ADARB2: variants seen among roughly 807,000 people sequenced by gnomAD.
The protein encoded by ADARB2 is inactive double-stranded RNA-specific editase B2.
Under a neutral mutation model 62.2 loss-of-function variants are expected in ADARB2, and 25 were observed. The ratio of observed to expected loss-of-function variants is 0.40; its 90% CI spans 0.29 to 0.56. ADARB2 has a LOEUF of 0.56. Among genes scored for constraint, ADARB2 ranks in the 20% least tolerant of loss-of-function variants. ADARB2 has a pLI of 0.43. For missense variants in ADARB2, 1,071 were observed against 1,077.4 expected, an observed-to-expected ratio of 0.99 and a Z score of 0.08; for synonymous variants, 572 against 500.8, an observed-to-expected ratio of 1.14 and a Z score of -1.90.
intron 4 of ADARB2, among the ~76,000 whole-genome samples, chr10:1,247,252 A>G (rs1200677534): frequency 6.6e-6 from 1 of 152,180 alleles, no homozygotes; most frequent in Non-Finnish European, 1.5e-5. Flanking sequence ...GGTTTTCTAG[A>G]TATACAATCA....
intron 1 of ADARB2, among the ~76,000 whole-genome samples, chr10:1,402,346 C>T (rs2820587): frequency 0.064 from 9,736 of 152,154 alleles, 1,080 homozygotes; most frequent in African/African-American, 0.22. Flanking sequence ...TGCACACACA[C>T]GTGGGGAGCC....
At chr10:1,294,823 G>C (rs918725592) in intron 3 of ADARB2, among the ~76,000 whole-genome samples, 2 of 152,182 alleles carry the variant, frequency 1.3e-5, no homozygotes, top group Non-Finnish European at 2.9e-5. Context: ...CCCACAGCAT[G>C]GAGTGGTGGC....
At chr10:1,701,856 C>T (rs1428607819) in intron 1 of ADARB2, among the ~76,000 whole-genome samples, 21 of 150,354 alleles carry the variant, frequency 1.4e-4, no homozygotes, top group South Asian at 2.1e-4. Flanking sequence ...CACCAGTACA[C>T]GCAATCCCAC....
At chr10:1,635,764 C>CTTT (rs1438207847) in intron 1 of ADARB2, among the ~76,000 whole-genome samples, 1 of 152,162 alleles carries the variant, frequency 6.6e-6, no homozygotes, top group Non-Finnish European at 1.5e-5. Flanking sequence ...ATTCTGGTCC[C>CTTT]TTTTATCTTC....
At chr10:1,630,469 A>C (rs1391637869) in intron 1 of ADARB2, among the ~76,000 whole-genome samples, 1 of 151,512 alleles carries the variant, frequency 6.6e-6, no homozygotes, top group African/African-American at 2.4e-5. Context: ...GTTACAGTAA[A>C]CTCTCTATCA....
Position 1,480,153 on chromosome 10 carries a change from A to G in ADARB2, c.101-100993T>C, listed in dbSNP as rs556698669. On this transcript the variant is annotated intron_variant, in intron 1 of 9. Coordinates refer to ENST00000381312, the MANE Select transcript of ADARB2 (RefSeq NM_018702.4). ...AGGACAAAGAGAAAGATACTTTACC[A>G]CTTTTATTTAATACAGTATTGGAAA... Among the ~76,000 whole-genome samples the G allele has an allele frequency of 8.0e-4, 122 of 152,372 alleles. 1 individual carries two copies. Among genetic ancestry groups the G allele is most frequent in the Non-Finnish European group, 1.4e-3 (98 of 68,044 alleles).
chr10:1,655,683 A>G (rs1378125131), intron 1 of ADARB2, among the ~76,000 whole-genome samples: 2 of 152,072 alleles, frequency 1.3e-5, no homozygotes, highest in African/African-American at 4.8e-5. Context: ...AAAAAAAAAA[A>G]GAAAACTGGA....
chr10:1,214,007 C>G (rs1360752857), intron 7 of ADARB2, among the ~76,000 whole-genome samples: 2 of 141,396 alleles, frequency 1.4e-5, no homozygotes, highest in African/African-American at 2.7e-5. Flanking sequence ...CCTGGCATTG[C>G]GTGGGTTCGC....
chr10:1,529,721 T>C (rs915766871), intron 1 of ADARB2, among the ~76,000 whole-genome samples: 1 of 152,118 alleles, frequency 6.6e-6, no homozygotes, highest in Non-Finnish European at 1.5e-5. Flanking sequence ...GGAGACAGAA[T>C]GATGTCAGCA....
At chr10:1,245,401 T>C (rs1381778968) in intron 4 of ADARB2, among the ~76,000 whole-genome samples, 1 of 152,230 alleles carries the variant, frequency 6.6e-6, no homozygotes, top group Admixed American at 6.5e-5. Context: ...GTTAGTTACA[T>C]ATGTATACAT....
intron 1 of ADARB2, chr10:1,556,556 G>C: frequency 2.5e-6 from 1 of 398,630 alleles, no homozygotes; most frequent in South Asian, 1.9e-5. Flanking sequence ...TGGAGATTTC[G>C]ACTCCATGGT....
chr10:1,377,888 T>C (rs552449224), intron 2 of ADARB2, among the ~76,000 whole-genome samples: 2 of 152,314 alleles, frequency 1.3e-5, no homozygotes, highest in African/African-American at 4.8e-5. Context: ...TTAATTATTA[T>C]GCTGTCTGGG....
intron 1 of ADARB2, among the ~76,000 whole-genome samples, chr10:1,676,730 T>G (rs1159923149): frequency 6.6e-6 from 1 of 152,216 alleles, no homozygotes; most frequent in Non-Finnish European, 1.5e-5. Flanking sequence ...TTTAGGTGAT[T>G]GTTTAAAAAC....
chr10:1,380,950 A>G (rs1166584151), intron 1 of ADARB2, among the ~76,000 whole-genome samples: 2 of 152,248 alleles, frequency 1.3e-5, no homozygotes, highest in African/African-American at 2.4e-5. Context: ...AACACTCACA[A>G]AAATGCACTA....
At chr10:1,476,263 A>T (rs1439474038) in intron 1 of ADARB2, among the ~76,000 whole-genome samples, 1 of 152,176 alleles carries the variant, frequency 6.6e-6, no homozygotes, top group African/African-American at 2.4e-5. Context: ...GGCCTGCCTC[A>T]GGTGGGGGCC....
intron 1 of ADARB2, among the ~76,000 whole-genome samples, chr10:1,724,968 G>A (rs1835145187): frequency 2.6e-5 from 4 of 152,240 alleles, no homozygotes; most frequent in Admixed American, 2.6e-4. Flanking sequence ...TGCACATGAA[G>A]CTGTTAGGAC....
At chr10:1,377,291 G>A (rs1832441704) in intron 2 of ADARB2, among the ~76,000 whole-genome samples, 1 of 144,262 alleles carries the variant, frequency 6.9e-6, no homozygotes, top group Admixed American at 6.9e-5. Context: ...GTGTATGTGC[G>A]TGTGCTCCTG....
chr10:1,725,060 C>T (rs1190439264), intron 1 of ADARB2, among the ~76,000 whole-genome samples: 7 of 152,162 alleles, frequency 4.6e-5, no homozygotes, highest in Non-Finnish European at 7.3e-5. Context: ...GTTAAACAGA[C>T]GCACTGCACT....
chr10:1,527,697 C>T (rs1042233589), intron 1 of ADARB2, among the ~76,000 whole-genome samples: 1 of 152,004 alleles, frequency 6.6e-6, no homozygotes, highest in Non-Finnish European at 1.5e-5. Flanking sequence ...TTTGGTAAGA[C>T]GGGGGTCAGA....
Sources: gnomAD v4.1 joint callset for allele counts (sites outside exome capture counted in the v4.1 genomes callset) on GRCh38, gnomAD v4.1.1 for gene constraint, MANE v1.5 for transcripts, NCBI Gene and HGNC (gene_info 2026-07-23, HGNC 2026-07-21) for gene names.